The following KANK1 variants were observed in gnomAD, a reference collection of about 807,000 sequenced individuals.
The protein encoded by KANK1 is KN motif and ankyrin repeat domains 1.
A neutral mutation model predicts 106.2 loss-of-function variants in KANK1; 109 were observed. The observed-to-expected ratio is 1.03, with a 90% CI of 0.88 to 1.20. KANK1 has a LOEUF of 1.20. KANK1 is among the 50% of genes most tolerant of loss of function. The pLI is 0.00. For missense variants in KANK1, 2,399 were observed against 1,710.7 expected, an observed-to-expected ratio of 1.40 and a Z score of -7.10; for synonymous variants, 873 against 652.2, an observed-to-expected ratio of 1.34 and a Z score of -5.16.
At chr9:678,588 C>T (rs996007692) in intron 2 of KANK1, among the ~76,000 whole-genome samples, 2 of 152,060 alleles carry the variant, frequency 1.3e-5, no homozygotes, top group Admixed American at 1.3e-4. Context: ...ATTAGCCAGG[C>T]ATGGTGGCGC....
intron 1 of KANK1, among the ~76,000 whole-genome samples, chr9:588,807 T>A (rs1254421539): frequency 2.0e-5 from 3 of 152,026 alleles, no homozygotes; most frequent in Non-Finnish European, 4.4e-5. Flanking sequence ...GTAAGTAAAA[T>A]GAAAATAGTA....
chr9:515,167 C>T (rs955230534), intron 1 of KANK1, among the ~76,000 whole-genome samples: 14 of 151,368 alleles, frequency 9.2e-5, no homozygotes, highest in Non-Finnish European at 4.4e-5. Context: ...CACAGTGAAA[C>T]CCTATCTCTA....
intron 3 of KANK1, 87 bp downstream of exon 3, chr9:713,551 A>G (rs1826811692): frequency 7.0e-7 from 1 of 1,420,700 alleles, no homozygotes; most frequent in Admixed American, 2.5e-5. Flanking sequence ...TAACTGCTGG[A>G]ACCATTTTTG....
In KANK1 at chr9:744,573, C is replaced by CAAA; in HGVS notation, c.3982_3984dup (p.Lys1328dup). 6.2e-7 allele frequency: 1 copy of CAAA among 1,614,156 alleles called. No individual in the cohort carries two copies. The highest frequency in any genetic ancestry group is 8.5e-7 in the Non-Finnish European group (1 of 1,180,018). On this transcript the variant is annotated inframe_insertion, in exon 11 of 12. Coordinates refer to ENST00000382297, the MANE Select transcript of KANK1 (RefSeq NM_015158.5). The stretch of plus-strand genomic sequence containing the variant: ...CTTCTGTATGCCCATGTCAACTTTG[C>CAAA]AAAAGCCCAGTCTCCGGTCAGTGTT...
chr9:493,076 G>A (rs1052323428), intron 3 of KANK1, among the ~76,000 whole-genome samples: 2 of 149,610 alleles, frequency 1.3e-5, no homozygotes, highest in African/African-American at 2.4e-5. Context: ...CCTGGTAGCC[G>A]GCCTCCCTGT....
intron 1 of KANK1, among the ~76,000 whole-genome samples, chr9:588,756 C>G (rs1563817421): frequency 6.6e-6 from 1 of 152,022 alleles, no homozygotes; most frequent in Non-Finnish European, 1.5e-5. Flanking sequence ...GAGTTAGATG[C>G]CTGGGTTCAA....
chr9:726,437 G>A (rs972872834), intron 3 of KANK1, among the ~76,000 whole-genome samples: 6 of 151,970 alleles, frequency 3.9e-5, no homozygotes, highest in African/African-American at 1.5e-4. Flanking sequence ...TCAGGAGTTC[G>A]AGTCCAACCT....
At chr9:509,829 T>C (rs2058948283) in intron 1 of KANK1, among the ~76,000 whole-genome samples, 1 of 152,156 alleles carries the variant, frequency 6.6e-6, no homozygotes, top group African/African-American at 2.4e-5. Context: ...CAGGATATCA[T>C]TGTGTCACCC....
At chr9:581,184 G>A (rs1328073038) in intron 1 of KANK1, among the ~76,000 whole-genome samples, 1 of 152,202 alleles carries the variant, frequency 6.6e-6, no homozygotes, top group Non-Finnish European at 1.5e-5. Flanking sequence ...AGCAGAGGGA[G>A]CCGGCTCCGG....
At chr9:718,571 A>G (rs1828393130) in intron 3 of KANK1, among the ~76,000 whole-genome samples, 1 of 151,980 alleles carries the variant, frequency 6.6e-6, no homozygotes, top group Admixed American at 6.6e-5. Context: ...CAGCCTCCCA[A>G]ATTATTGGGA....
rs766326956 is a variant in KANK1 at position 712,570 on chromosome 9, ACAGG to A, written c.1808_1811del (p.Gly603AlafsTer7). The stretch of plus-strand genomic sequence containing the variant: ...GAGTGTGGAAGTCAGCGTCTGCGAA[ACAGG>A]CAGCAACACAGAGGAGTCTGTGAAC... On this transcript the variant is annotated frameshift_variant, in exon 3 of 12. Transcript: ENST00000382297. LOFTEE classifies it high-confidence loss of function. 1.9e-6 allele frequency: 3 copies of A among 1,614,094 alleles called. No individual in the cohort carries two copies. The highest frequency in any genetic ancestry group is 2.5e-6 in the Non-Finnish European group (3 of 1,180,042).
intron 7 of KANK1, chr9:735,702 C>T (rs1348866054): frequency 4.7e-6 from 2 of 429,550 alleles, no homozygotes; most frequent in South Asian, 1.7e-5. Context: ...TATCATAATA[C>T]CTAATACAGG....
intron 1 of KANK1, among the ~76,000 whole-genome samples, chr9:588,925 T>C (rs1291003198): frequency 6.6e-6 from 1 of 152,206 alleles, no homozygotes; most frequent in Admixed American, 6.5e-5. Flanking sequence ...GCTTATATGA[T>C]TAAAAAAACC....
At chr9:651,146 G>A (rs992695999) in intron 1 of KANK1, among the ~76,000 whole-genome samples, 5 of 152,286 alleles carry the variant, frequency 3.3e-5, no homozygotes, top group South Asian at 2.1e-4. Flanking sequence ...TTAAAGCATA[G>A]CGACTAAGAA....
chr9:583,475 T>C (rs1353146722), intron 1 of KANK1, among the ~76,000 whole-genome samples: 1 of 152,102 alleles, frequency 6.6e-6, no homozygotes, highest in Non-Finnish European at 1.5e-5. Flanking sequence ...GTTTCCATTT[T>C]AGAAATAAAA....
chr9:632,243 C>A (rs1271807771), intron 1 of KANK1, among the ~76,000 whole-genome samples: 1 of 151,776 alleles, frequency 6.6e-6, no homozygotes, highest in African/African-American at 2.4e-5. Flanking sequence ...TTTTCTTGGC[C>A]AAAAATATTA....
chr9:484,850 G>A (rs10974769), intron 3 of KANK1, among the ~76,000 whole-genome samples: 2 of 151,796 alleles, frequency 1.3e-5, no homozygotes, highest in Non-Finnish European at 2.9e-5. Flanking sequence ...GTTACTCTCA[G>A]TGTTTCCAAG....
chr9:653,209 T>C (rs900015219), intron 1 of KANK1, among the ~76,000 whole-genome samples: 2 of 152,128 alleles, frequency 1.3e-5, no homozygotes, highest in Admixed American at 6.6e-5. Flanking sequence ...AGTCTGGACA[T>C]GAAGAGTCTG....
intron 2 of KANK1, among the ~76,000 whole-genome samples, chr9:689,874 A>ACT (rs1476107076): frequency 2.6e-5 from 4 of 152,006 alleles, no homozygotes; most frequent in Admixed American, 1.3e-4. Context: ...TAAGGCAAAT[A>ACT]CTCATAGGTA....
Sources: allele counts gnomAD v4.1 joint callset (sites outside exome capture counted in the v4.1 genomes callset), GRCh38; gene constraint gnomAD v4.1.1; transcripts MANE v1.5; gene names NCBI Gene and HGNC (gene_info 2026-07-23, HGNC 2026-07-21).